Variants in SLC35F4 observed in about 807,000 individuals in gnomAD.
SLC35F4 encodes solute carrier family 35 member F4.
A neutral mutation model predicts 44.2 loss-of-function variants in SLC35F4; 24 were observed. That is an observed-to-expected ratio of 0.54 (90% CI 0.39 to 0.76). The LOEUF is 0.76. Ranked by LOEUF, SLC35F4 falls within the 30% of genes least tolerant of loss-of-function variation. The pLI, the probability that SLC35F4 is intolerant of heterozygous loss-of-function variation, is 0.00. For missense variants in SLC35F4, 562 were observed against 586.1 expected, an observed-to-expected ratio of 0.96 and a Z score of 0.42; for synonymous variants, 238 against 223.6, an observed-to-expected ratio of 1.06 and a Z score of -0.57.
intron 1 of SLC35F4, among the ~76,000 whole-genome samples, chr14:57,966,938 A>G (rs1025252220): frequency 1.3e-5 from 2 of 152,096 alleles, no homozygotes; most frequent in African/African-American, 4.8e-5. Flanking sequence ...TGAACCCAGG[A>G]AGCAGAGATT....
At chr14:57,772,161 T>G (rs1404209721) in intron 1 of SLC35F4, among the ~76,000 whole-genome samples, 1 of 152,242 alleles carries the variant, frequency 6.6e-6, no homozygotes, top group African/African-American at 2.4e-5. Flanking sequence ...ACTTTTTCAC[T>G]GTCAGAAAGC....
intron 1 of SLC35F4, among the ~76,000 whole-genome samples, chr14:57,609,164 C>T (rs1330056066): frequency 2.0e-5 from 3 of 151,846 alleles, no homozygotes; most frequent in Non-Finnish European, 4.4e-5. Flanking sequence ...ATGGATGGAT[C>T]GATGGATGGA....
At chr14:57,724,657 C>A (rs1014930129) in intron 1 of SLC35F4, among the ~76,000 whole-genome samples, 2 of 152,194 alleles carry the variant, frequency 1.3e-5, no homozygotes, top group Admixed American at 6.5e-5. Flanking sequence ...CATTCTCCCC[C>A]CCAGCCTGCA....
chr14:57,693,127 C>T (rs1490322749), intron 1 of SLC35F4, among the ~76,000 whole-genome samples: 1 of 152,086 alleles, frequency 6.6e-6, no homozygotes, highest in Non-Finnish European at 1.5e-5. Context: ...TTCAAGAAAA[C>T]AAATACAGGC....
chr14:57,806,166 G>C (rs1049402584), intron 1 of SLC35F4, among the ~76,000 whole-genome samples: 5 of 152,038 alleles, frequency 3.3e-5, no homozygotes, highest in Non-Finnish European at 5.9e-5. Context: ...TACCAAAAAA[G>C]GTGAAAAGCA....
At chr14:57,614,036 C>T (rs1566684629) in intron 1 of SLC35F4, among the ~76,000 whole-genome samples, 1 of 152,200 alleles carries the variant, frequency 6.6e-6, no homozygotes, top group Non-Finnish European at 1.5e-5. Context: ...ATACCATAGG[C>T]AGTTTCTGAC....
chr14:57,675,601 G>A (rs951604319), intron 1 of SLC35F4, among the ~76,000 whole-genome samples: 1 of 151,928 alleles, frequency 6.6e-6, no homozygotes, highest in African/African-American at 2.4e-5. Context: ...CAGTTCTCAG[G>A]GGCAATGCTT....
chr14:57,701,007 T>C (rs2075525305), intron 1 of SLC35F4, among the ~76,000 whole-genome samples: 1 of 152,154 alleles, frequency 6.6e-6, no homozygotes, highest in African/African-American at 2.4e-5. Flanking sequence ...TGCTGTCTTT[T>C]TTATGTACCT....
At chr14:57,575,347 G>A (rs2068727113) in intron 4 of SLC35F4, among the ~76,000 whole-genome samples, 1 of 152,184 alleles carries the variant, frequency 6.6e-6, no homozygotes, top group Admixed American at 6.5e-5. Flanking sequence ...GTGCTTTGGT[G>A]GCACATGCCT....
chr14:57,877,067 C>T (rs1042346746), intron 1 of SLC35F4, among the ~76,000 whole-genome samples: 2 of 151,910 alleles, frequency 1.3e-5, no homozygotes, highest in East Asian at 1.9e-4. Context: ...GGGTAAACTG[C>T]GTGTCACACG....
intron 1 of SLC35F4, among the ~76,000 whole-genome samples, chr14:57,821,281 G>T (rs1017646261): frequency 3.3e-5 from 5 of 152,134 alleles, no homozygotes; most frequent in African/African-American, 1.2e-4. Context: ...CCAGGCTTTT[G>T]GATTTTTGTG....
intron 1 of SLC35F4, among the ~76,000 whole-genome samples, chr14:57,703,630 C>G (rs1019759912): frequency 2.6e-5 from 4 of 152,186 alleles, no homozygotes; most frequent in African/African-American, 9.7e-5. Context: ...GCAACCTCAT[C>G]CTTAAGCACG....
intron 1 of SLC35F4, among the ~76,000 whole-genome samples, chr14:57,747,721 C>CT (rs2076793479): frequency 3.3e-5 from 5 of 152,110 alleles, no homozygotes; most frequent in African/African-American, 1.2e-4. Context: ...TATTATGCTA[C>CT]CTAAAAACAT....
chr14:57,585,332 G>A (rs34784901), intron 3 of SLC35F4, among the ~76,000 whole-genome samples: 305 of 151,972 alleles, frequency 2.0e-3, no homozygotes, highest in African/African-American at 6.9e-3. Context: ...TGGATGGAAC[G>A]TATCTATCTC....
At chr14:57,660,197 G>A (rs534695264) in intron 1 of SLC35F4, among the ~76,000 whole-genome samples, 11 of 152,324 alleles carry the variant, frequency 7.2e-5, no homozygotes, top group African/African-American at 2.6e-4. Flanking sequence ...GATGAAATGT[G>A]ATTTGCAAAG....
chr14:57,826,232 A>G (rs1241425545), intron 1 of SLC35F4, among the ~76,000 whole-genome samples: 1 of 152,052 alleles, frequency 6.6e-6, no homozygotes, highest in South Asian at 2.1e-4. Context: ...CATCTGATCT[A>G]CAAAAAGCTC....
intron 1 of SLC35F4, among the ~76,000 whole-genome samples, chr14:57,965,553 C>G (rs1428817759): frequency 1.3e-5 from 2 of 152,158 alleles, no homozygotes; most frequent in South Asian, 4.1e-4. Context: ...CTGTCAACCA[C>G]ACCTAGCATG....
intron 1 of SLC35F4, among the ~76,000 whole-genome samples, chr14:57,980,650 C>CTAGG (rs3034473): frequency 0.53 from 80,586 of 151,594 alleles, 22,751 homozygotes; most frequent in East Asian, 0.79. Context: ...AAGAAAATGG[C>CTAGG]TGTGTTTGTG....
At chr14:57,644,070 A>C (rs1054521547) in intron 1 of SLC35F4, among the ~76,000 whole-genome samples, 4 of 152,212 alleles carry the variant, frequency 2.6e-5, no homozygotes, top group Non-Finnish European at 5.9e-5. Context: ...TAGTGCCATA[A>C]TAAACATACG....
Sources: gnomAD v4.1 joint callset for allele counts (sites outside exome capture counted in the v4.1 genomes callset) on GRCh38, gnomAD v4.1.1 for gene constraint, MANE v1.5 for transcripts, NCBI Gene and HGNC (gene_info 2026-07-23, HGNC 2026-07-21) for gene names.